Variants in RLF observed in about 807,000 individuals in gnomAD.
The protein encoded by RLF is RLF zinc finger, also known as zinc finger protein Rlf.
In RLF, 7 loss-of-function variants were observed where a neutral mutation model predicts 162.9. The observed-to-expected ratio is 0.04, with a 90% CI of 0.02 to 0.08. The LOEUF is 0.08. Ranked by LOEUF, RLF falls within the 10% of genes least tolerant of loss-of-function variation. RLF has a pLI of 1.00. For synonymous variants in RLF, 782 were observed against 791.5 expected (o/e 0.99, Z 0.20); for missense variants, 1,664 against 2,244.7 (o/e 0.74, Z 5.23).
intron 1 of RLF, among the ~76,000 whole-genome samples, chr1:40,165,865 C>G (rs563232728): frequency 6.6e-6 from 1 of 152,276 alleles, no homozygotes; most frequent in South Asian, 2.1e-4. Flanking sequence ...CCACCAACTC[C>G]CATTTTCCCA....
intron 1 of RLF, among the ~76,000 whole-genome samples, chr1:40,169,695 C>CTT (rs202079055): frequency 2.3e-5 from 3 of 132,210 alleles, no homozygotes; most frequent in African/African-American, 5.6e-5. Context: ...TTGGGATAAG[C>CTT]TTTTTTTTTT....
chr1:40,208,985 C>T (rs907116348), intron 5 of RLF, among the ~76,000 whole-genome samples: 2 of 152,196 alleles, frequency 1.3e-5, no homozygotes, highest in African/African-American at 4.8e-5. Flanking sequence ...TCACACATCT[C>T]ATGTACATGA....
intron 1 of RLF, among the ~76,000 whole-genome samples, chr1:40,163,184 AC>A (rs1165577942): frequency 6.6e-6 from 1 of 152,236 alleles, no homozygotes; most frequent in African/African-American, 2.4e-5. Flanking sequence ...GGGAGAGGCC[AC>A]TTTAGTTAGT....
intron 5 of RLF, among the ~76,000 whole-genome samples, chr1:40,206,113 A>G (rs56870542): frequency 2.0e-5 from 3 of 151,946 alleles, no homozygotes; most frequent in African/African-American, 4.8e-5. Flanking sequence ...TACCATCTCT[A>G]CTTACAGATT....
In RLF at chr1:40,239,608, A is replaced by T. The variant is rs773088877; in HGVS notation, c.4906A>T (p.Ile1636Phe). The change falls in exon 8 of 8, where the codon ATC (isoleucine) becomes TTC (phenylalanine). Residue 1636 changes from isoleucine to phenylalanine, a missense_variant. Physicochemically the swap from Ile to Phe is conservative, Grantham distance 21. Coordinates refer to ENST00000372771, the MANE Select transcript of RLF (RefSeq NM_012421.4). ...TTCCCCGGGTGACAGTAGTGCACCC[A>T]TCCAGAACACTGATTGCTGTCATTC... ...SHSPGDSSAP[I>F]QNTDCCHSSE... 6.2e-7 allele frequency: 1 copy of T among 1,614,174 alleles called. No individual in the cohort carries two copies. The highest frequency in any genetic ancestry group is 8.5e-7 in the Non-Finnish European group (1 of 1,180,018).
Position 40,237,352 on chromosome 1 carries a change from A to C in RLF, c.2650A>C (p.Thr884Pro), listed in dbSNP as rs1643229806. Residue 884 changes from threonine to proline, a missense_variant, in exon 8 of 8, where the codon ACT (threonine) becomes CCT (proline). By Grantham distance (38) the Thr-to-Pro change is conservative. Transcript: ENST00000372771. This position sits in a 1 kb window ranked among gnomAD's most constrained non-coding sequence, Gnocchi z 4.4. ...ESANSQIDTETAENLKENSDS... is the reference protein window; with the variant it reads ...ESANSQIDTEPAENLKENSDS... ...AGCTAATTCTCAAATAGATACAGAAACTGCAGAAAACCTGAAAGAAAACAG... is the reference window on the plus strand; with the variant it reads ...AGCTAATTCTCAAATAGATACAGAACCTGCAGAAAACCTGAAAGAAAACAG... The C allele has an allele frequency of 3.7e-6, 6 of 1,613,874 alleles. No individual in the cohort carries two copies. The highest frequency in any genetic ancestry group is 5.1e-6 in the Non-Finnish European group (6 of 1,179,930).
intron 1 of RLF, among the ~76,000 whole-genome samples, chr1:40,170,256 T>G (rs1570513040): frequency 6.6e-6 from 1 of 151,988 alleles, no homozygotes; most frequent in Non-Finnish European, 1.5e-5. Context: ...TTTTTTTTGT[T>G]TTTTGGTTTT....
intron 5 of RLF, among the ~76,000 whole-genome samples, chr1:40,221,681 A>G (rs1436816320): frequency 1.3e-5 from 2 of 151,646 alleles, no homozygotes; most frequent in Non-Finnish European, 2.9e-5. Context: ...CGGGTGAATC[A>G]CGAGGTCTGG....
chr1:40,201,625 CAAAAAAAA>C lies in RLF; in HGVS notation c.608-772_608-765del, dbSNP rs35897680. ...TGGGTGACAGAGCAAGACTTCATCT[CAAAAAAAA>C]AAAAAAAAAAAAAATTTGAGGGCTC... On this transcript the variant is annotated intron_variant, in intron 4 of 7. Coordinates refer to ENST00000372771, the MANE Select transcript of RLF (RefSeq NM_012421.4). 1.3e-4 allele frequency among the ~76,000 whole-genome samples: 12 copies of C among 91,502 alleles called. 1 individual carries two copies. The highest frequency in any genetic ancestry group is 6.6e-4 in the East Asian group (2 of 3,008). The allele number at this position is 91,502 out of a possible 152,430, so 60.0% of individuals were successfully genotyped here. A position where few individuals can be genotyped will look rare whatever the true frequency, so the allele number is the denominator to read the frequency against.
At chr1:40,194,670 A>G (rs1428333945) in intron 3 of RLF, among the ~76,000 whole-genome samples, 3 of 151,914 alleles carry the variant, frequency 2.0e-5, no homozygotes, top group African/African-American at 7.3e-5. Flanking sequence ...TGCTAGTAAC[A>G]TGAGTGATCC....
At chr1:40,207,202 A>G (rs1461427656) in intron 5 of RLF, among the ~76,000 whole-genome samples, 1 of 152,190 alleles carries the variant, frequency 6.6e-6, no homozygotes, top group South Asian at 2.1e-4. Flanking sequence ...TAGGCACTCA[A>G]TACTTATTGA....
At chr1:40,167,223 A>G (rs1009930808) in intron 1 of RLF, among the ~76,000 whole-genome samples, 3 of 152,210 alleles carry the variant, frequency 2.0e-5, no homozygotes, top group Admixed American at 6.5e-5. Flanking sequence ...CAAGATGGGT[A>G]TAATCAGTCC....
intron 1 of RLF, among the ~76,000 whole-genome samples, chr1:40,177,512 G>T (rs1177753230): frequency 6.6e-6 from 1 of 151,636 alleles, no homozygotes; most frequent in African/African-American, 2.4e-5. Context: ...CCAGGATGGG[G>T]TCTATCTCCT....
chr1:40,225,192 A>G (rs1271651504), intron 6 of RLF, among the ~76,000 whole-genome samples: 1 of 152,204 alleles, frequency 6.6e-6, no homozygotes, highest in Non-Finnish European at 1.5e-5. Flanking sequence ...AAAAGTAGTC[A>G]TGCTTATTTT....
chr1:40,189,268 C>G, intron 2 of RLF, 59 bp downstream of exon 2: 1 of 1,413,014 alleles, frequency 7.1e-7, no homozygotes, highest in Non-Finnish European at 9.8e-7. Flanking sequence ...TGTTGTTTGC[C>G]TGGTTTCTCT....
intron 3 of RLF, among the ~76,000 whole-genome samples, chr1:40,194,842 ATTT>A: frequency 7.0e-6 from 1 of 142,628 alleles, no homozygotes; most frequent in Non-Finnish European, 1.5e-5. Context: ...TTATTTATTT[ATTT>A]ATTTATGAGA....
At chr1:40,213,659 A>C (rs61781773) in intron 5 of RLF, among the ~76,000 whole-genome samples, 7,916 of 152,168 alleles carry the variant, frequency 0.052, 603 homozygotes, top group African/African-American at 0.17. Flanking sequence ...CAAGTGAATG[A>C]AGTATTATTA....
rs2124565074 is a variant in RLF at position 40,240,773 on chromosome 1, A to T, written c.*326A>T. The T allele has an allele frequency of 4.3e-6, 1 of 230,352 alleles. No individual in the cohort carries two copies. The highest frequency in any genetic ancestry group is 8.6e-6 in the Non-Finnish European group (1 of 116,324). 14.3% of individuals were successfully genotyped at this position (230,352 alleles called of 1,614,324 possible). A position where few individuals can be genotyped will look rare whatever the true frequency, so the allele number is the denominator to read the frequency against. On this transcript the variant is annotated 3_prime_UTR_variant, in exon 8 of 8. Coordinates refer to ENST00000372771, the MANE Select transcript of RLF (RefSeq NM_012421.4). ...ATGATTGTATATGGAACAAATACTA[A>T]GGTCCCAGGGTGGGAGGGCTAGGGA... is the stretch of plus-strand genomic sequence containing the variant.
chr1:40,208,929 A>G (rs139405047), intron 5 of RLF, among the ~76,000 whole-genome samples: 289 of 152,314 alleles, frequency 1.9e-3, no homozygotes, highest in Non-Finnish European at 2.8e-3. Flanking sequence ...GTTTAAATCC[A>G]AGGTGATCTG....
Sources: allele counts gnomAD v4.1 joint callset (sites outside exome capture counted in the v4.1 genomes callset), GRCh38; gene constraint gnomAD v4.1.1; non-coding constraint Gnocchi (gnomAD v3.1); transcripts MANE v1.5; gene names NCBI Gene and HGNC (gene_info 2026-07-23, HGNC 2026-07-21).